Variants in SLC4A8 observed in about 807,000 individuals in gnomAD.
SLC4A8 encodes the protein electroneutral sodium bicarbonate exchanger 1.
Under a neutral mutation model 125.0 loss-of-function variants are expected in SLC4A8, and 40 were observed. That is an observed-to-expected ratio of 0.32 (90% CI 0.25 to 0.42). The LOEUF (loss-of-function observed/expected upper bound fraction) is 0.42, where lower values mean the gene tolerates loss of function less well. SLC4A8 is among the 10% of genes least tolerant of loss of function. SLC4A8 has a pLI of 1.00. For synonymous variants in SLC4A8, 456 were observed against 476.0 expected (o/e 0.96, Z 0.55); for missense variants, 863 against 1,355.1 (o/e 0.64, Z 5.70).
chr12:51,432,219 T>G (rs1453392713), intron 1 of SLC4A8, among the ~76,000 whole-genome samples: 50 of 136,744 alleles, frequency 3.7e-4, no homozygotes, highest in East Asian at 1.8e-3. Flanking sequence ...CCATCCTGGC[T>G]AACAAGGTGA....
chr12:51,478,940 C>T (rs1950938151), intron 16 of SLC4A8, among the ~76,000 whole-genome samples: 1 of 928 alleles, frequency 1.1e-3, no homozygotes, highest in Non-Finnish European at 3.9e-3. Context: ...CTTCCCTGTG[C>T]CTCATCTGCA....
chr12:51,433,271 G>T (rs796677883), intron 1 of SLC4A8, among the ~76,000 whole-genome samples: 32 of 152,222 alleles, frequency 2.1e-4, no homozygotes, highest in African/African-American at 7.5e-4. Context: ...AACCCTCTTA[G>T]TTCTTTTTAT....
intron 1 of SLC4A8, among the ~76,000 whole-genome samples, chr12:51,413,404 A>G (rs1299892421): frequency 6.6e-6 from 1 of 152,132 alleles, no homozygotes; most frequent in East Asian, 1.9e-4. Context: ...GCAGTGAAAG[A>G]GCTTTTTACT....
intron 17 of SLC4A8, among the ~76,000 whole-genome samples, chr12:51,486,129 A>C (rs1951156218): frequency 6.6e-6 from 1 of 152,132 alleles, no homozygotes; most frequent in Non-Finnish European, 1.5e-5. Context: ...AATGAAAAGT[A>C]TTATTATTAT....
At chr12:51,456,776 C>CT (rs1472246347) in intron 5 of SLC4A8, among the ~76,000 whole-genome samples, 1 of 152,156 alleles carries the variant, frequency 6.6e-6, no homozygotes, top group Non-Finnish European at 1.5e-5. Flanking sequence ...CTCCTCAAAT[C>CT]TGTTGGGCTT....
At chr12:51,487,141 G>T (rs1951182550) in intron 17 of SLC4A8, among the ~76,000 whole-genome samples, 1 of 152,162 alleles carries the variant, frequency 6.6e-6, no homozygotes. Context: ...GGTAGGACAG[G>T]GGAGAAAGGG....
At chr12:51,446,854 A>G (rs1592197800) in intron 2 of SLC4A8, among the ~76,000 whole-genome samples, 3 of 152,366 alleles carry the variant, frequency 2.0e-5, no homozygotes, top group Admixed American at 1.3e-4. Context: ...AACAATGACC[A>G]TGTGTGAAAC....
chr12:51,489,580 A>C (rs1362284804), intron 18 of SLC4A8, 120 bp from the exon 19 acceptor site: 2 of 1,288,552 alleles, frequency 1.6e-6, no homozygotes, highest in African/African-American at 3.0e-5. Context: ...TGGATCCCTG[A>C]ACCCCTTCCT....
At position 51,508,309 on chromosome 12, in the gene SLC4A8, A is replaced by G. The variant is rs926415983; in HGVS notation, c.*871A>G. ...CCAGGAAGAACTTCCTAGCCTGAAG[A>G]TTTGTCATAGTGTCTGCTTTCTAGA... On this transcript the variant is annotated 3_prime_UTR_variant, in exon 25 of 25. Transcript: ENST00000453097. 1 of 152,502 alleles carries G rather than the reference A, an allele frequency of 6.6e-6. No individual in the cohort carries two copies. The highest frequency in any genetic ancestry group is 1.5e-5 in the Non-Finnish European group (1 of 68,038). 9.4% of individuals were successfully genotyped at this position (152,502 alleles called of 1,614,324 possible).
At chr12:51,395,545 C>G (rs1400670452) in intron 1 of SLC4A8, among the ~76,000 whole-genome samples, 1 of 152,216 alleles carries the variant, frequency 6.6e-6, no homozygotes, top group African/African-American at 2.4e-5. Flanking sequence ...TATCTAGTCT[C>G]TTCCTTCCAC....
At chr12:51,410,808 C>T (rs1948577896) in intron 1 of SLC4A8, among the ~76,000 whole-genome samples, 1 of 151,752 alleles carries the variant, frequency 6.6e-6, no homozygotes, top group Non-Finnish European at 1.5e-5. Flanking sequence ...TCTTGTCCCC[C>T]TTCCCACACT....
intron 1 of SLC4A8, among the ~76,000 whole-genome samples, chr12:51,418,377 G>T (rs1040843754): frequency 6.6e-6 from 1 of 152,158 alleles, no homozygotes; most frequent in Admixed American, 6.5e-5. Flanking sequence ...GAATTCTTAG[G>T]GGGCAGGGAC....
At chr12:51,457,259 C>G in intron 5 of SLC4A8, 92 bp from the exon 6 acceptor site, 1 of 1,034,190 alleles carries the variant, frequency 9.7e-7, no homozygotes. Context: ...CTTCCCCCTA[C>G]TCCATGCCCT....
At chr12:51,395,120 G>A (rs867801123) in intron 1 of SLC4A8, among the ~76,000 whole-genome samples, 2 of 152,106 alleles carry the variant, frequency 1.3e-5, no homozygotes, top group African/African-American at 4.8e-5. Context: ...AGTTATATAT[G>A]CACATGGTAA....
Position 51,508,068 on chromosome 12 carries a change from T to G in SLC4A8, c.*630T>G, listed in dbSNP as rs1938243093. 6.6e-6 allele frequency: 1 copy of G among 152,388 alleles called. No individual in the cohort carries two copies. Among genetic ancestry groups the G allele is most frequent in the South Asian group, 2.1e-4 (1 of 4,824 alleles). 9.4% of individuals were successfully genotyped at this position (152,388 alleles called of 1,614,324 possible). A position where few individuals can be genotyped will look rare whatever the true frequency, so the allele number is the denominator to read the frequency against. On this transcript the variant is annotated 3_prime_UTR_variant, in exon 25 of 25. Coordinates refer to ENST00000453097, the MANE Select transcript of SLC4A8 (RefSeq NM_001039960.3). ...GCCAGGAAGATGCCTCTGACCTGGG[T>G]GCATCTCCATCACTCCTTAGCAGCA...
Position 51,506,039 on chromosome 12 carries a change from G to A in SLC4A8, c.3269+109G>A, listed in dbSNP as rs1938152662. On this transcript the variant is annotated intron_variant, in intron 24 of 24. Coordinates refer to ENST00000453097, the MANE Select transcript of SLC4A8 (RefSeq NM_001039960.3). ...TAAAATGGAATTTGTGTAATAAATA[G>A]CACTTCCAGGAACTGCCGCTAACCA... is the stretch of plus-strand genomic sequence containing the variant. The A allele has an allele frequency of 1.1e-5, 7 of 624,426 alleles. No individual in the cohort carries two copies. The Admixed American group carries it at 1.9e-4, about 17-fold the overall frequency. 38.7% of individuals were successfully genotyped at this position (624,426 alleles called of 1,614,324 possible).
chr12:51,474,070 C>G (rs1950791303), intron 14 of SLC4A8, among the ~76,000 whole-genome samples: 1 of 152,144 alleles, frequency 6.6e-6, no homozygotes, highest in African/African-American at 2.4e-5. Flanking sequence ...AACAACCAAT[C>G]AAGACTCATT....
intron 14 of SLC4A8, 63 bp downstream of exon 14, chr12:51,471,595 T>C: frequency 6.4e-7 from 1 of 1,559,652 alleles, no homozygotes; most frequent in Non-Finnish European, 8.7e-7. Context: ...ATTGCTGATG[T>C]AGAGTGCTAG....
At chr12:51,505,361 G>A (rs184859284) in intron 23 of SLC4A8, among the ~76,000 whole-genome samples, 253 of 152,308 alleles carry the variant, frequency 1.7e-3, no homozygotes, top group Non-Finnish European at 2.3e-3. Context: ...TCAAAATGAG[G>A]ATGTTAATAA....
Sources: allele counts gnomAD v4.1 joint callset (sites outside exome capture counted in the v4.1 genomes callset), GRCh38; gene constraint gnomAD v4.1.1; transcripts MANE v1.5; gene names NCBI Gene and HGNC (gene_info 2026-07-23, HGNC 2026-07-21).